OPA1: variants seen among roughly 807,000 people sequenced by gnomAD.
The protein encoded by OPA1 is dynamin-like GTPase OPA1, mitochondrial.
Under a neutral mutation model 152.9 loss-of-function variants are expected in OPA1, and 59 were observed. That is an observed-to-expected ratio of 0.39 (90% CI 0.31 to 0.48). The LOEUF (loss-of-function observed/expected upper bound fraction) is 0.48, where lower values mean the gene tolerates loss of function less well. Among genes scored for constraint, OPA1 ranks in the 20% least tolerant of loss-of-function variants. The pLI is 0.96. For synonymous variants in OPA1, 400 were observed against 389.9 expected (o/e 1.03, Z -0.31); for missense variants, 1,008 against 1,216.8 (o/e 0.83, Z 2.55).
intron 8 of OPA1, among the ~76,000 whole-genome samples, chr3:193,634,181 CTG>C (rs1304633448): frequency 6.6e-6 from 1 of 151,294 alleles, no homozygotes; most frequent in Admixed American, 6.6e-5. Context: ...ATAGTTTTCT[CTG>C]TGTTGTTAAT....
At chr3:193,636,165 T>G (rs952400172) in intron 9 of OPA1, among the ~76,000 whole-genome samples, 2 of 152,090 alleles carry the variant, frequency 1.3e-5, no homozygotes, top group Non-Finnish European at 2.9e-5. Flanking sequence ...AATCATGGCA[T>G]GTACATTCTG....
intron 23 of OPA1, among the ~76,000 whole-genome samples, chr3:193,657,548 T>C (rs530384412): frequency 1.3e-5 from 2 of 152,318 alleles, no homozygotes; most frequent in East Asian, 3.9e-4. Context: ...GCTTCTAATT[T>C]TACCCTCTGT....
intron 27 of OPA1, among the ~76,000 whole-genome samples, chr3:193,665,987 G>A (rs116604041): frequency 1.3e-5 from 2 of 152,060 alleles, no homozygotes; most frequent in South Asian, 4.1e-4. Flanking sequence ...TAAATGGAGG[G>A]TATATGCTGT....
intron 7 of OPA1, among the ~76,000 whole-genome samples, chr3:193,627,573 C>T (rs1050849435): frequency 2.0e-5 from 3 of 152,232 alleles, no homozygotes; most frequent in Admixed American, 2.0e-4. Flanking sequence ...AAGAATGTAG[C>T]TGTAGTTACA....
chr3:193,642,424 GTT>G (rs1412541574), intron 11 of OPA1, among the ~76,000 whole-genome samples: 3 of 152,178 alleles, frequency 2.0e-5, no homozygotes, highest in African/African-American at 7.2e-5. Flanking sequence ...TCCTTTTAGT[GTT>G]TCAAGTTTTA....
At chr3:193,612,381 A>C (rs1475215100) in intron 1 of OPA1, among the ~76,000 whole-genome samples, 1 of 150,860 alleles carries the variant, frequency 6.6e-6, no homozygotes, top group Admixed American at 6.6e-5. Flanking sequence ...GAACAGTCCG[A>C]GTTAGATCAG....
intron 1 of OPA1, among the ~76,000 whole-genome samples, chr3:193,604,381 CA>C (rs958252189): frequency 2.6e-5 from 4 of 152,162 alleles, no homozygotes. Context: ...TGAGCTCATA[CA>C]GTGGTGAAGC....
chr3:193,666,188 C>G (rs1220039683), intron 27 of OPA1, 108 bp from the exon 28 acceptor site: 1 of 919,832 alleles, frequency 1.1e-6, no homozygotes, highest in Non-Finnish European at 1.8e-6. Flanking sequence ...AATCTGAGTA[C>G]TTTTTAAGCT....
At chr3:193,682,097 A>G (rs1720238336) in intron 29 of OPA1, among the ~76,000 whole-genome samples, 1 of 152,254 alleles carries the variant, frequency 6.6e-6, no homozygotes, top group South Asian at 2.1e-4. Flanking sequence ...AGGAAATTAA[A>G]AGTGTTATTC....
chr3:193,607,955 TCTC>T (rs1393025218), intron 1 of OPA1, among the ~76,000 whole-genome samples: 1 of 152,206 alleles, frequency 6.6e-6, no homozygotes, highest in Admixed American at 6.5e-5. Flanking sequence ...GGTTTGTAGT[TCTC>T]CTTGAAGAGG....
intron 21 of OPA1, among the ~76,000 whole-genome samples, chr3:193,652,426 A>G (rs535713619): frequency 1.3e-5 from 2 of 151,886 alleles, no homozygotes; most frequent in African/African-American, 4.8e-5. Flanking sequence ...ATAGGCTGGG[A>G]AAATTGTTAG....
intron 1 of OPA1, among the ~76,000 whole-genome samples, chr3:193,594,147 A>T (rs1287051362): frequency 6.6e-6 from 1 of 152,194 alleles, no homozygotes; most frequent in Non-Finnish European, 1.5e-5. Flanking sequence ...GCGTTACTAT[A>T]TGCATTGTAA....
At chr3:193,685,092 G>A (rs112474983) in intron 29 of OPA1, among the ~76,000 whole-genome samples, 1 of 152,004 alleles carries the variant, frequency 6.6e-6, no homozygotes, top group African/African-American at 2.4e-5. Flanking sequence ...ACGAGGTCAG[G>A]AGTTTGAGAC....
chr3:193,654,029 C>T (rs569247145), intron 21 of OPA1, among the ~76,000 whole-genome samples: 1 of 152,056 alleles, frequency 6.6e-6, no homozygotes, highest in African/African-American at 2.4e-5. Flanking sequence ...ACATTCCACT[C>T]TTAGGTATTT....
intron 29 of OPA1, chr3:193,668,983 A>G: frequency 2.2e-6 from 1 of 457,532 alleles, no homozygotes; most frequent in South Asian, 8.9e-5. Context: ...AGCTTCGTGT[A>G]ACAAAGTATC....
At chr3:193,665,094 T>A in intron 27 of OPA1, 98 bp downstream of exon 27, 1 of 720,546 alleles carries the variant, frequency 1.4e-6, no homozygotes. Flanking sequence ...TTAAGTCCTT[T>A]GATCATCTGG....
Position 193,640,757 on chromosome 3 carries a change from T to G in OPA1, c.1150-2008T>G, listed in dbSNP as rs187537246. Among the ~76,000 whole-genome samples, 137 of 152,274 alleles carry G rather than the reference T, an allele frequency of 9.0e-4. 2 individuals carry two copies. Among genetic ancestry groups the G allele is most frequent in the Non-Finnish European group, 8.2e-4 (56 of 68,014 alleles). ...TGATTGTGTTTTGTTTTTTTCATGT[T>G]TAGCTGGTGGGGGGTAGGTGTAGAA... On this transcript the variant is annotated intron_variant, in intron 11 of 30. Transcript: ENST00000361510.
At chr3:193,617,348 A>C (rs1363410741) in intron 4 of OPA1, 63 bp downstream of exon 4, 1 of 936,170 alleles carries the variant, frequency 1.1e-6, no homozygotes, top group African/African-American at 1.7e-5. Flanking sequence ...AAATACATGG[A>C]TTATTTGTTT....
intron 25 of OPA1, among the ~76,000 whole-genome samples, chr3:193,660,301 A>G (rs973673813): frequency 6.6e-6 from 1 of 152,044 alleles, no homozygotes; most frequent in Admixed American, 6.6e-5. Context: ...GTCTTATACC[A>G]CTGTCTCATT....
Sources: gnomAD v4.1 joint callset for allele counts (sites outside exome capture counted in the v4.1 genomes callset) on GRCh38, gnomAD v4.1.1 for gene constraint, MANE v1.5 for transcripts, NCBI Gene and HGNC (gene_info 2026-07-23, HGNC 2026-07-21) for gene names.